Variants in VWA5A observed in about 807,000 individuals in gnomAD.
VWA5A encodes the protein von Willebrand factor A domain-containing protein 5A.
VWA5A carries 77 observed loss-of-function variants against 84.6 expected under a neutral mutation model. The ratio of observed to expected loss-of-function variants is 0.91; its 90% CI spans 0.76 to 1.10. The LOEUF (loss-of-function observed/expected upper bound fraction) is 1.10. Among genes scored for constraint, VWA5A ranks in the 50% least tolerant of loss-of-function variants. VWA5A has a pLI of 0.00. For synonymous variants in VWA5A, 334 were observed against 350.1 expected (o/e 0.95, Z 0.51); for missense variants, 973 against 963.0 (o/e 1.01, Z -0.14).
intron 11 of VWA5A, among the ~76,000 whole-genome samples, chr11:124,129,824 GT>G (rs1245070705): frequency 6.6e-6 from 1 of 152,086 alleles, no homozygotes; most frequent in Non-Finnish European, 1.5e-5. Flanking sequence ...GGGATCAGTG[GT>G]GATACTCCCT....
At chr11:124,144,292 G>A (rs1243892875) in intron 17 of VWA5A, among the ~76,000 whole-genome samples, 1 of 152,116 alleles carries the variant, frequency 6.6e-6, no homozygotes, top group Admixed American at 6.5e-5. Context: ...GAAAATCAGA[G>A]GTTTTAGATG....
chr11:124,120,667 A>AAGATGGTT (rs1864917490), intron 7 of VWA5A, among the ~76,000 whole-genome samples: 1 of 152,166 alleles, frequency 6.6e-6, no homozygotes, highest in Non-Finnish European at 1.5e-5. Flanking sequence ...GATTTGCTGT[A>AAGATGGTT]ACCATCTCCT....
At chr11:124,138,777 A>G (rs1860668298) in intron 15 of VWA5A, among the ~76,000 whole-genome samples, 1 of 152,172 alleles carries the variant, frequency 6.6e-6, no homozygotes, top group Non-Finnish European at 1.5e-5. Flanking sequence ...GCTATACACA[A>G]GAGGTAACCT....
Position 124,134,911 on chromosome 11 carries a change from C to A in VWA5A, c.1245-9C>A. The A allele has an allele frequency of 6.2e-7, 1 of 1,606,580 alleles. No homozygotes were observed. Among genetic ancestry groups the A allele is most frequent in the Non-Finnish European group, 8.5e-7 (1 of 1,174,208 alleles). On this transcript the variant is annotated splice_polypyrimidine_tract_variant and intron_variant, in intron 11 of 18. Coordinates refer to ENST00000456829, the MANE Select transcript of VWA5A (RefSeq NM_001130142.2). ...CCTTCCTCTAACCTCTGTCCTGTTACAATTGCAGGTGTTTCTCATTTGGTA... is the reference window on the plus strand; with the variant it reads ...CCTTCCTCTAACCTCTGTCCTGTTAAAATTGCAGGTGTTTCTCATTTGGTA...
At chr11:124,145,424 A>G in intron 18 of VWA5A, 61 bp downstream of exon 18, 1 of 1,529,312 alleles carries the variant, frequency 6.5e-7, no homozygotes, top group African/African-American at 1.4e-5. Context: ...GAAGGTGACC[A>G]CAAGAGAGTC....
In VWA5A at chr11:124,124,117, GC is replaced by G. The variant is rs1864980006; in HGVS notation, c.1165-118del. The G allele has an allele frequency of 3.0e-6, 3 of 992,164 alleles. No individual in the cohort carries two copies. The East Asian group carries it at 7.8e-5, about 26-fold the overall frequency. The allele number at this position is 992,164 out of a possible 1,614,324, so 61.5% of individuals were successfully genotyped here. On this transcript the variant is annotated intron_variant, in intron 10 of 18. Coordinates refer to ENST00000456829, the MANE Select transcript of VWA5A (RefSeq NM_001130142.2). ...GCGACTGAAACATTAGGGATTTCAT[GC>G]CTCTTTGAAGAGGCACCAGAGCCTC...
Position 124,134,906 on chromosome 11 carries a change from T to C in VWA5A, c.1245-14T>C, listed in dbSNP as rs1359055371. 1.2e-6 allele frequency: 2 copies of C among 1,602,456 alleles called. No individual in the cohort carries two copies. The highest frequency in any genetic ancestry group is 1.7e-6 in the Non-Finnish European group (2 of 1,170,720). ...TAATGCCTTCCTCTAACCTCTGTCC[T>C]GTTACAATTGCAGGTGTTTCTCATT... On this transcript the variant is annotated splice_polypyrimidine_tract_variant and intron_variant, in intron 11 of 18. Transcript: ENST00000456829.
chr11:124,118,806 GT>G (rs1279775762), intron 6 of VWA5A, 98 bp downstream of exon 6: 8 of 1,433,216 alleles, frequency 5.6e-6, no homozygotes, highest in Non-Finnish European at 9.5e-7. Context: ...CCCAGAGGGG[GT>G]CCCACATGCT....
chr11:124,141,728 C>T lies in VWA5A; in HGVS notation c.2010C>T (p.Asp670=). 1 of 1,614,088 alleles carries T rather than the reference C, an allele frequency of 6.2e-7. No individual in the cohort carries two copies. Among genetic ancestry groups the T allele is most frequent in the South Asian group, 1.1e-5 (1 of 91,068 alleles). The part of the protein sequence containing the change: ...YSLCGLISHK[D]QHSPGFGENH... ...TCTGTGGGTTGATAAGTCACAAGGA[C>T]CAGCACAGTCCAGGTGAGTACCTTT... Residue 670 remains aspartate, a synonymous_variant, in exon 16 of 19, where the codon GAC becomes GAT. Coordinates refer to ENST00000456829, the MANE Select transcript of VWA5A (RefSeq NM_001130142.2).
Position 124,117,548 on chromosome 11 carries a change from G to A in VWA5A, c.37G>A (p.Glu13Lys). The A allele has an allele frequency of 6.2e-7, 1 of 1,614,158 alleles. No individual in the cohort carries two copies. Among genetic ancestry groups the A allele is most frequent in the Non-Finnish European group, 8.5e-7 (1 of 1,180,030 alleles). The change falls in exon 3 of 19, where the codon GAG (glutamate) becomes AAG (lysine). Residue 13 changes from glutamate to lysine, a missense_variant. Coordinates refer to ENST00000456829, the MANE Select transcript of VWA5A (RefSeq NM_001130142.2). ...HFCGLLTLHR[E>K]PVPLKSISVS... ...CTGTGGCCTACTCACCCTCCACCGG[G>A]AGCCAGGTAAGCCTAATTTGTGACT...
chr11:124,120,790 G>A lies in VWA5A; in HGVS notation c.760+1701G>A, dbSNP rs138485446. Among the ~76,000 whole-genome samples the A allele has an allele frequency of 5.6e-3, 846 of 152,256 alleles. 5 individuals carry two copies. The highest frequency in any genetic ancestry group is 8.9e-3 in the Non-Finnish European group (608 of 68,028). ...AAATATTCCCATAACAGTGACCTAC[G>A]TGTCAGTTAAGATTATTTCAAAGGA... On this transcript the variant is annotated intron_variant, in intron 7 of 18. Transcript: ENST00000456829.
At chr11:124,117,331 C>T (rs1864847201) in intron 2 of VWA5A, 166 bp from the exon 3 acceptor site, 1 of 680,830 alleles carries the variant, frequency 1.5e-6, no homozygotes, top group Non-Finnish European at 2.5e-6. Flanking sequence ...TAAAAGGACC[C>T]TTATGACTGA....
At position 124,123,788 on chromosome 11, in the gene VWA5A, C is replaced by T. The variant is rs745393318; in HGVS notation, c.1148C>T (p.Pro383Leu). The T allele has an allele frequency of 2.5e-6, 4 of 1,581,300 alleles. No individual in the cohort carries two copies. The highest frequency in any genetic ancestry group is 3.4e-6 in the Non-Finnish European group (4 of 1,167,376). Residue 383 changes from proline (P) to leucine (L), a missense_variant, in exon 10 of 19, where the codon CCA becomes CTA. Transcript: ENST00000456829. ...LQNIYRGPSI[P>L]GHPLQLFVFT... ...AACATTTACAGGGGACCCTCCATCC[C>T]AGGCCACCCCCTACAGGTAAGAAGT...
chr11:124,119,944 AATAC>A (rs1864904529), intron 7 of VWA5A, among the ~76,000 whole-genome samples: 1 of 152,192 alleles, frequency 6.6e-6, no homozygotes, highest in African/African-American at 2.4e-5. Context: ...TTTTTTATCT[AATAC>A]ATAATTTCTA....
chr11:124,117,470 T>C, intron 2 of VWA5A, 27 bp from the exon 3 acceptor site: 1 of 1,609,554 alleles, frequency 6.2e-7, no homozygotes, highest in Non-Finnish European at 8.5e-7. Context: ...CAACATGTCC[T>C]CTGTTTGTGA....
intron 15 of VWA5A, among the ~76,000 whole-genome samples, chr11:124,138,360 G>C (rs778237894): frequency 6.6e-6 from 1 of 152,046 alleles, no homozygotes; most frequent in African/African-American, 2.4e-5. Flanking sequence ...ACATTTTAAG[G>C]AGCCACAGTT....
chr11:124,131,878 C>A (rs1433948076), intron 11 of VWA5A, among the ~76,000 whole-genome samples: 1 of 151,628 alleles, frequency 6.6e-6, no homozygotes, highest in South Asian at 2.1e-4. Flanking sequence ...ATGATCATAT[C>A]CTTATTTTAT....
intron 7 of VWA5A, among the ~76,000 whole-genome samples, 197 bp downstream of exon 7, chr11:124,119,286 A>T (rs989388173): frequency 1.3e-5 from 2 of 152,244 alleles, no homozygotes; most frequent in Admixed American, 6.5e-5. Context: ...AGGCAAATTT[A>T]AGTAGATCAG....
At chr11:124,141,842 G>C in intron 16 of VWA5A, 101 bp downstream of exon 16, 1 of 1,462,476 alleles carries the variant, frequency 6.8e-7, no homozygotes, top group Non-Finnish European at 9.2e-7. Context: ...GACAAGAGAT[G>C]CATGTTTCTC....
Sources: gnomAD v4.1 joint callset for allele counts (sites outside exome capture counted in the v4.1 genomes callset) on GRCh38, gnomAD v4.1.1 for gene constraint, MANE v1.5 for transcripts, NCBI Gene and HGNC (gene_info 2026-07-23, HGNC 2026-07-21) for gene names.